EP400: variants seen among roughly 807,000 people sequenced by gnomAD.
The protein encoded by EP400 is E1A binding protein p400.
A neutral mutation model predicts 354.1 loss-of-function variants in EP400; 105 were observed. The ratio of observed to expected loss-of-function variants is 0.30; its 90% confidence interval spans 0.25 to 0.35. The LOEUF (loss-of-function observed/expected upper bound fraction) is 0.35. Among genes scored for constraint, EP400 ranks in the 10% least tolerant of loss-of-function variants. The pLI is 1.00. For synonymous variants in EP400, 1,646 were observed against 1,716.9 expected (o/e 0.96, Z 1.02); for missense variants, 3,280 against 4,121.0 (o/e 0.80, Z 5.59).
At chr12:131,968,851 G>A (rs1178010355) in intron 2 of EP400, among the ~76,000 whole-genome samples, 1 of 152,036 alleles carries the variant, frequency 6.6e-6, no homozygotes, top group Non-Finnish European at 1.5e-5. Flanking sequence ...AAAATTTCCA[G>A]CTGTTTATTG....
At chr12:132,000,577 A>C (rs1893374778) in intron 12 of EP400, among the ~76,000 whole-genome samples, 1 of 152,200 alleles carries the variant, frequency 6.6e-6, no homozygotes, top group Non-Finnish European at 1.5e-5. Context: ...TATGATAATG[A>C]GTACCTATTT....
At chr12:132,065,208 G>C (rs762991321) in intron 48 of EP400, 137 of 433,318 alleles carry the variant, frequency 3.2e-4, no homozygotes, top group Middle Eastern at 1.3e-3. Flanking sequence ...ACCAAGGCCT[G>C]TGTGGCTGGA....
Position 132,013,928 on chromosome 12 carries a change from T to TG in EP400, c.3923+18dup. On this transcript the variant is annotated intron_variant, in intron 19 of 52. Coordinates refer to ENST00000389561, the MANE Select transcript of EP400 (RefSeq NM_015409.5). This position sits in a 1 kb window ranked among gnomAD's most constrained non-coding sequence, Gnocchi z 4.5. ...CTGCAACCTGGGTGAGTGTGGGCTC[T>TG]GGGCATGTGCCCCCTTTGCTGTCCC... 2.5e-6 allele frequency: 4 copies of TG among 1,613,330 alleles called. No individual in the cohort carries two copies. Among genetic ancestry groups the TG allele is most frequent in the Non-Finnish European group, 3.4e-6 (4 of 1,179,682 alleles).
chr12:132,041,308 A>G (rs548493345), intron 32 of EP400, among the ~76,000 whole-genome samples: 8 of 152,362 alleles, frequency 5.3e-5, no homozygotes, highest in African/African-American at 1.2e-4. Flanking sequence ...ACACATTACA[A>G]AGATTCCAGC....
At position 132,013,698 on chromosome 12, in the gene EP400, T is replaced by C. The variant is rs768779388; in HGVS notation, c.3786+34T>C. On this transcript the variant is annotated intron_variant, in intron 18 of 52. Coordinates refer to ENST00000389561, the MANE Select transcript of EP400 (RefSeq NM_015409.5). This position sits in a 1 kb window ranked among gnomAD's most constrained non-coding sequence, Gnocchi z 4.5. Reference sequence around the variant, plus strand: ...GGTTCTGCCATTTCAGTTAATTAATTAAACATGCGTATGCCTTGTTATAAA... The same window carrying C: ...GGTTCTGCCATTTCAGTTAATTAATCAAACATGCGTATGCCTTGTTATAAA... 1 of 1,604,552 alleles carries C rather than the reference T, an allele frequency of 6.2e-7. No homozygotes were observed. Among genetic ancestry groups the C allele is most frequent in the East Asian group, 2.2e-5 (1 of 44,748 alleles).
In EP400 at chr12:131,960,866, G is replaced by T. The variant is rs769148687; in HGVS notation, c.247G>T (p.Val83Phe). ...CACCCTGCAGAGCGTGGGCCCTGTC[G>T]TCGGGGGAAACCAGCAGATCACACT... The part of the protein sequence containing the change: ...NITLQSVGPV[V>F]GGNQQITLAP... The change falls in exon 2 of 53, where the codon GTC becomes TTC. Residue 83 changes from valine (V) to phenylalanine (F), a missense_variant. Physicochemically the swap from Val to Phe is conservative, Grantham distance 50. Coordinates refer to ENST00000389561, the MANE Select transcript of EP400 (RefSeq NM_015409.5). 5.0e-6 allele frequency: 8 copies of T among 1,614,026 alleles called. No homozygotes were observed. Among genetic ancestry groups the T allele is most frequent in the Non-Finnish European group, 6.8e-6 (8 of 1,180,030 alleles).
At position 131,986,757 on chromosome 12, in the gene EP400, A is replaced by T; in HGVS notation, c.2173A>T (p.Thr725Ser). 6.2e-7 allele frequency: 1 copy of T among 1,614,184 alleles called. No homozygotes were observed. The highest frequency in any genetic ancestry group is 8.5e-7 in the Non-Finnish European group (1 of 1,180,034). The change falls in exon 6 of 53, where the codon ACC (threonine) becomes TCC (serine). Residue 725 changes from threonine to serine, a missense_variant. Physicochemically the swap from Thr to Ser is moderately conservative, Grantham distance 58. This residue lies in a region of EP400 where 800 missense variants were observed against 840.0 expected (regional missense o/e 0.95). Coordinates refer to ENST00000389561, the MANE Select transcript of EP400 (RefSeq NM_015409.5). ...ACCACAGAGTCCTGCTCAGAATGCC[A>T]CCTCGTCCCAAGACAGTTCTCAGGA... ...TKPQSPAQNATSSQDSSQDTL... is the reference protein window; with the variant it reads ...TKPQSPAQNASSSQDSSQDTL...
chr12:132,003,791 A>G (rs994159484), intron 12 of EP400, among the ~76,000 whole-genome samples: 1 of 152,234 alleles, frequency 6.6e-6, no homozygotes, highest in Non-Finnish European at 1.5e-5. Flanking sequence ...ACTGGGCTCC[A>G]TTAGGTCTAT....
rs1437218886 is a variant in EP400, at chr12:132,013,556, G to T, written c.3678G>T (p.Val1226=). ...HNTFLELWTM[V]HFLVPGISRP... is the part of the protein sequence containing the mutation. ...CCTTCCTGGAGCTCTGGACCATGGT[G>T]CACTTCCTGGTCCCAGGGATCTCCA... Residue 1226 remains valine, a synonymous_variant, in exon 18 of 53, where the codon GTG becomes GTT. Coordinates refer to ENST00000389561, the MANE Select transcript of EP400 (RefSeq NM_015409.5). The surrounding 1 kb of genome is among the most constrained non-coding windows in gnomAD (Gnocchi z 4.5). 6.2e-7 allele frequency: 1 copy of T among 1,613,094 alleles called. No individual in the cohort carries two copies.
At position 131,981,486 on chromosome 12, in the gene EP400, T is replaced by A; in HGVS notation, c.1436-3T>A. 1 of 1,560,772 alleles carries A rather than the reference T, an allele frequency of 6.4e-7. No individual in the cohort carries two copies. Among genetic ancestry groups the A allele is most frequent in the Non-Finnish European group, 8.7e-7 (1 of 1,151,478 alleles). On this transcript the variant is annotated splice_polypyrimidine_tract_variant and splice_region_variant and intron_variant, in intron 3 of 52. Transcript: ENST00000389561. Reference sequence around the variant, plus strand: ...ACTGCACCTTTTTTGAAAATTATTCTAGAGCAGTCTAAGAGGCCTCGCCTT... The same window carrying A: ...ACTGCACCTTTTTTGAAAATTATTCAAGAGCAGTCTAAGAGGCCTCGCCTT...
In EP400 at chr12:131,990,406, G is replaced by A. The variant is rs879164386; in HGVS notation, c.2551-230G>A. ...TCACCACCACGGTTACTTCTAGAGCGGTCGCTCGCTCACTTGCTTTCCTTT... is the reference window on the plus strand; with the variant it reads ...TCACCACCACGGTTACTTCTAGAGCAGTCGCTCGCTCACTTGCTTTCCTTT... On this transcript the variant is annotated intron_variant, in intron 8 of 52. Transcript: ENST00000389561. This position sits in a 1 kb window ranked among gnomAD's most constrained non-coding sequence, Gnocchi z 4.2. Among the ~76,000 whole-genome samples, 3 of 152,132 alleles carry A rather than the reference G, an allele frequency of 2.0e-5. No homozygotes were observed. Among genetic ancestry groups the A allele is most frequent in the Admixed American group, 2.0e-4 (3 of 15,262 alleles).
intron 34 of EP400, 147 bp from the exon 35 acceptor site, chr12:132,044,030 C>T: frequency 8.5e-7 from 1 of 1,179,088 alleles, no homozygotes; most frequent in Non-Finnish European, 1.2e-6. Flanking sequence ...TTGCAGCAGG[C>T]TGCTGCTTGT....
intron 1 of EP400, among the ~76,000 whole-genome samples, chr12:131,955,015 C>T (rs1005475630): frequency 5.9e-5 from 9 of 151,880 alleles, no homozygotes; most frequent in African/African-American, 1.9e-4. Context: ...AGAGTGAGAC[C>T]TTATGTCAAA....
In EP400 at chr12:132,067,391, A is replaced by G. The variant is rs970678803; in HGVS notation, c.8779A>G (p.Met2927Val). The G allele has an allele frequency of 5.0e-6, 8 of 1,613,410 alleles. No individual in the cohort carries two copies. Among genetic ancestry groups the G allele is most frequent in the Admixed American group, 1.7e-5 (1 of 60,016 alleles). Residue 2927 changes from methionine (M) to valine (V), a missense_variant, in exon 50 of 53, where the codon ATG becomes GTG. Around this residue, in one of 20 missense-constraint regions of EP400, gnomAD observed 279 missense variants for 386.7 expected, o/e 0.72. Transcript: ENST00000389561. This position sits in a 1 kb window ranked among gnomAD's most constrained non-coding sequence, Gnocchi z 5.3. ...GQTVVAQPVHMQQLLKLKQQA... is the reference protein window; with the variant it reads ...GQTVVAQPVHVQQLLKLKQQA... Reference sequence around the variant, plus strand: ...GACCGTGGTGGCCCAGCCCGTGCACATGCAGCAGCTGCTGAAGCTGAAGCA... The same window carrying G: ...GACCGTGGTGGCCCAGCCCGTGCACGTGCAGCAGCTGCTGAAGCTGAAGCA...
chr12:132,031,289 G>A (rs372468846), intron 29 of EP400: 54 of 519,080 alleles, frequency 1.0e-4, no homozygotes, highest in Non-Finnish European at 1.9e-4. Flanking sequence ...CCTGAGGATA[G>A]ATGAGAAAGC....
intron 12 of EP400, among the ~76,000 whole-genome samples, chr12:131,999,168 C>T (rs1002672813): frequency 6.6e-6 from 1 of 151,606 alleles, no homozygotes; most frequent in Non-Finnish European, 1.5e-5. Flanking sequence ...GCCTACTGAC[C>T]CCACGGCCTC....
Position 132,043,722 on chromosome 12 carries a change from C to A in EP400, c.6444C>A (p.Asn2148Lys), listed in dbSNP as rs1894989337. ...CTATTGAGCAAGAAAAGGAGAGAAA[C>A]AGTGAGGTAAGAGAATCAACTTTTG... The part of the protein sequence containing the change: ...HTSIEQEKER[N>K]SEDAVMTAVR... The change falls in exon 34 of 53, where the codon AAC becomes AAA. Residue 2148 changes from asparagine to lysine, a missense_variant. This residue lies in a region of EP400 where 231 missense variants were observed against 257.9 expected (regional missense o/e 0.90). Transcript: ENST00000389561. 2 of 1,604,482 alleles carry A rather than the reference C, an allele frequency of 1.2e-6. No individual in the cohort carries two copies. The highest frequency in any genetic ancestry group is 1.7e-6 in the Non-Finnish European group (2 of 1,177,584).
chr12:131,973,199 A>G (rs1486754113), intron 2 of EP400, among the ~76,000 whole-genome samples: 1 of 152,066 alleles, frequency 6.6e-6, no homozygotes, highest in Non-Finnish European at 1.5e-5. Flanking sequence ...TCATCTAACC[A>G]CTTTCTAGTT....
At chr12:131,953,895 A>G (rs1323831453) in intron 1 of EP400, among the ~76,000 whole-genome samples, 2 of 150,184 alleles carry the variant, frequency 1.3e-5, no homozygotes, top group Non-Finnish European at 3.0e-5. Context: ...GGTGGATCAT[A>G]TGAGATCAGG....
Sources: allele counts gnomAD v4.1 joint callset (sites outside exome capture counted in the v4.1 genomes callset), GRCh38; gene constraint gnomAD v4.1.1; regional missense constraint gnomAD v4.1.1; non-coding constraint Gnocchi (gnomAD v3.1); transcripts MANE v1.5; gene names NCBI Gene and HGNC (gene_info 2026-07-23, HGNC 2026-07-21).